The following AUTS2 variants were observed in gnomAD, a reference collection of about 807,000 sequenced individuals.
AUTS2 encodes autism susceptibility gene 2 protein.
Under a neutral mutation model 112.4 loss-of-function variants are expected in AUTS2, and 17 were observed. The observed-to-expected ratio is 0.15, with a 90% CI of 0.10 to 0.23. AUTS2 has a LOEUF of 0.23. AUTS2 is among the 10% of genes least tolerant of loss of function. AUTS2 has a pLI of 1.00. For synonymous variants in AUTS2, 751 were observed against 702.7 expected (o/e 1.07, Z -1.09); for missense variants, 1,510 against 1,701.6 (o/e 0.89, Z 1.98).
chr7:69,728,833 G>A (rs10244247), intron 1 of AUTS2, among the ~76,000 whole-genome samples: 14,732 of 152,072 alleles, frequency 0.097, 1,135 homozygotes, highest in African/African-American at 0.21. Context: ...TTTAATCTCA[G>A]CTTTCTGCTC....
At chr7:69,896,846 T>C (rs929610113) in intron 1 of AUTS2, among the ~76,000 whole-genome samples, 1 of 152,230 alleles carries the variant, frequency 6.6e-6, no homozygotes, top group African/African-American at 2.4e-5. Flanking sequence ...TTCTCTCTGT[T>C]CAGCCTTTCA....
intron 1 of AUTS2, among the ~76,000 whole-genome samples, chr7:69,877,733 A>G (rs1201581366): frequency 6.6e-6 from 1 of 152,168 alleles, no homozygotes; most frequent in Non-Finnish European, 1.5e-5. Context: ...TTACTGTGGT[A>G]ATTCGCTTAG....
chr7:70,745,598 A>G (rs1585615542), intron 6 of AUTS2, among the ~76,000 whole-genome samples: 1 of 152,198 alleles, frequency 6.6e-6, no homozygotes, highest in Admixed American at 6.5e-5. Context: ...GTTGACTGCT[A>G]TAGACGGAGC....
chr7:70,523,364 A>T (rs1046996596), intron 5 of AUTS2, among the ~76,000 whole-genome samples: 3 of 152,236 alleles, frequency 2.0e-5, no homozygotes, highest in African/African-American at 7.2e-5. Context: ...ATAGGAGTTG[A>T]ATAGCAGACA....
At chr7:70,605,919 G>T (rs1803735248) in intron 5 of AUTS2, among the ~76,000 whole-genome samples, 1 of 152,218 alleles carries the variant, frequency 6.6e-6, no homozygotes, top group Admixed American at 6.5e-5. Flanking sequence ...GGTCTGATGA[G>T]TGAGGCAGCA....
At chr7:69,929,875 C>G (rs1225457090) in intron 2 of AUTS2, among the ~76,000 whole-genome samples, 2 of 152,184 alleles carry the variant, frequency 1.3e-5, no homozygotes, top group Non-Finnish European at 2.9e-5. Context: ...CATTGTGTAA[C>G]TGGTGATCTT....
intron 5 of AUTS2, among the ~76,000 whole-genome samples, chr7:70,551,044 A>G (rs1334596667): frequency 2.0e-5 from 3 of 152,162 alleles, no homozygotes; most frequent in Non-Finnish European, 2.9e-5. Flanking sequence ...CATCAAAGAA[A>G]CACAGAGGCC....
intron 4 of AUTS2, among the ~76,000 whole-genome samples, chr7:70,367,224 C>G (rs1358276686): frequency 6.6e-6 from 1 of 152,130 alleles, no homozygotes; most frequent in Non-Finnish European, 1.5e-5. Context: ...GATGGTGCCA[C>G]TGCTCTCCAG....
rs190113514 is a variant in AUTS2 at position 70,781,550 on chromosome 7, C to T, written c.2005-65C>T. On this transcript the variant is annotated intron_variant, in intron 14 of 18. Transcript: ENST00000342771. ...CCGTTCACAGTCTCCAGCTCCAGCT[C>T]TTCACTAACACCTTTATTCCTTGCT... The T allele has an allele frequency of 5.5e-5, 87 of 1,574,486 alleles. No individual in the cohort carries two copies. In the East Asian group the frequency reaches 1.9e-3, roughly 35 times the overall value.
chr7:69,599,035 TA>T lies in AUTS2; in HGVS notation c.-614del. On this transcript the variant is annotated 5_prime_UTR_variant, in exon 1 of 19. An upstream open reading frame in the 5' UTR loses its in-frame stop. Transcript: ENST00000342771. The surrounding 1 kb of genome is among the most constrained non-coding windows in gnomAD (Gnocchi z 7.0). Reference sequence around the variant, plus strand: ...CCCGGCCTCCCCTGGCTGCATTTCTTAAAAATTTGGGAGCCTGGGAGTGAGT... The same window carrying T: ...CCCGGCCTCCCCTGGCTGCATTTCTTAAAATTTGGGAGCCTGGGAGTGAGT... 1 of 151,918 alleles carries T rather than the reference TA, an allele frequency of 6.6e-6. No homozygotes were observed. Among genetic ancestry groups the T allele is most frequent in the Non-Finnish European group, 1.5e-5 (1 of 68,030 alleles). The allele number at this position is 151,918 out of a possible 1,614,324, so 9.4% of individuals were successfully genotyped here.
chr7:70,183,471 C>G (rs546317706), intron 4 of AUTS2, among the ~76,000 whole-genome samples: 1 of 152,234 alleles, frequency 6.6e-6, no homozygotes, highest in Non-Finnish European at 1.5e-5. Context: ...TGCCTGCCCC[C>G]TCCCCTCATG....
At chr7:70,012,985 G>T (rs1164524286) in intron 2 of AUTS2, among the ~76,000 whole-genome samples, 1 of 152,150 alleles carries the variant, frequency 6.6e-6, no homozygotes, top group African/African-American at 2.4e-5. Context: ...AGGAGGAAAA[G>T]AATATTTTAT....
chr7:69,706,650 G>A lies in AUTS2; in HGVS notation c.309+106688G>A, dbSNP rs186548961. 2.0e-4 allele frequency among the ~76,000 whole-genome samples: 30 copies of A among 152,216 alleles called. No individual in the cohort carries two copies. The East Asian group carries it at 4.4e-3, about 23-fold the overall frequency. ...AGGAGTTTTTTCTCCACCTTTGTTT[G>A]TTAATTCCCAAACTTCTCTCCAGTT... On this transcript the variant is annotated intron_variant, in intron 1 of 18. Transcript: ENST00000342771.
At chr7:70,059,700 G>C (rs1381822090) in intron 2 of AUTS2, among the ~76,000 whole-genome samples, 1 of 152,092 alleles carries the variant, frequency 6.6e-6, no homozygotes, top group Non-Finnish European at 1.5e-5. Context: ...TGTTTGATTG[G>C]AGTTCATGGT....
At chr7:70,239,092 T>C (rs1321494097) in intron 4 of AUTS2, among the ~76,000 whole-genome samples, 1 of 152,146 alleles carries the variant, frequency 6.6e-6, no homozygotes, top group Admixed American at 6.5e-5. Context: ...ACTCCTCCAC[T>C]TTTCCTTCTT....
intron 2 of AUTS2, among the ~76,000 whole-genome samples, chr7:70,111,942 T>G (rs1337060290): frequency 6.6e-6 from 1 of 152,032 alleles, no homozygotes; most frequent in East Asian, 1.9e-4. Flanking sequence ...TACTATAGTT[T>G]ACTAACTGTA....
intron 1 of AUTS2, among the ~76,000 whole-genome samples, chr7:69,893,568 A>G (rs571908245): frequency 6.6e-6 from 1 of 152,192 alleles, no homozygotes; most frequent in African/African-American, 2.4e-5. Context: ...CTAAGATCAG[A>G]TAACTAACAG....
Position 69,930,312 on chromosome 7 carries a change from G to C in AUTS2, c.522+30814G>C, listed in dbSNP as rs1399099775. Reference sequence around the variant, plus strand: ...TGTAGATCTCCAGGGCTCTCTCTCTGTGTAATTCTCTTCTCTCTAGTCCTC... The same window carrying C: ...TGTAGATCTCCAGGGCTCTCTCTCTCTGTAATTCTCTTCTCTCTAGTCCTC... On this transcript the variant is annotated intron_variant, in intron 2 of 18. Coordinates refer to ENST00000342771, the MANE Select transcript of AUTS2 (RefSeq NM_015570.4). 2.6e-5 allele frequency among the ~76,000 whole-genome samples: 4 copies of C among 151,844 alleles called. No homozygotes were observed. The South Asian group carries it at 8.3e-4, about 32-fold the overall frequency.
intron 2 of AUTS2, among the ~76,000 whole-genome samples, chr7:70,065,821 T>A (rs1424081114): frequency 6.6e-6 from 1 of 152,172 alleles, no homozygotes; most frequent in Non-Finnish European, 1.5e-5. Context: ...TCCTCCCACC[T>A]CAGCCTCTTG....
Sources: allele counts gnomAD v4.1 joint callset (sites outside exome capture counted in the v4.1 genomes callset), GRCh38; gene constraint gnomAD v4.1.1; non-coding constraint Gnocchi (gnomAD v3.1); transcripts MANE v1.5; gene names NCBI Gene and HGNC (gene_info 2026-07-23, HGNC 2026-07-21).